Variants in ASIC2 observed in about 807,000 individuals in gnomAD.
The protein encoded by ASIC2 is acid sensing ion channel subunit 2.
Under a neutral mutation model 57.3 loss-of-function variants are expected in ASIC2, and 25 were observed. The ratio of observed to expected loss-of-function variants is 0.44; its 90% confidence interval spans 0.32 to 0.61. The LOEUF is 0.61. ASIC2 is among the 20% of genes least tolerant of loss of function. The pLI, the probability that ASIC2 is intolerant of heterozygous loss-of-function variation, is 0.06. For missense variants in ASIC2, 641 were observed against 738.1 expected, an observed-to-expected ratio of 0.87 and a Z score of 1.52; for synonymous variants, 319 against 307.5, an observed-to-expected ratio of 1.04 and a Z score of -0.39.
At position 33,242,789 on chromosome 17, in the gene ASIC2, T is replaced by G. The variant is rs77336788; in HGVS notation, c.708+48619A>C. ...TACACTTCACCTATTTCTGTTTCCA[T>G]CAATGGTGGTTAAGGTTCTTTCCAG... On this transcript the variant is annotated intron_variant, in intron 1 of 9. Coordinates refer to ENST00000225823, the MANE Select transcript of ASIC2 (RefSeq NM_183377.2). 0.01 allele frequency among the ~76,000 whole-genome samples: 1,597 copies of G among 152,282 alleles called. 56 individuals are homozygous for G. The East Asian group carries it at 0.12, about 12-fold the overall frequency.
intron 1 of ASIC2, among the ~76,000 whole-genome samples, chr17:33,586,725 C>A (rs8082150): frequency 0.62 from 94,057 of 152,078 alleles, 30,665 homozygotes; most frequent in African/African-American, 0.84. Flanking sequence ...CATCTTAGAC[C>A]TGCCTTCTCT....
At chr17:33,082,701 A>AAAATAAATAAATAAAT (rs34712140) in intron 3 of ASIC2, among the ~76,000 whole-genome samples, 9 of 139,526 alleles carry the variant, frequency 6.5e-5, no homozygotes, top group African/African-American at 8.0e-5. Context: ...TCTGTCTCCA[A>AAAATAAATAAATAAAT]AAATAAATAA....
intron 1 of ASIC2, among the ~76,000 whole-genome samples, chr17:33,513,757 C>T (rs1016155148): frequency 3.5e-4 from 54 of 152,226 alleles, no homozygotes; most frequent in Admixed American, 9.2e-4. Context: ...CCTGCTCTGT[C>T]CCCTACACTT....
chr17:33,088,106 T>C (rs2092142178), intron 3 of ASIC2, among the ~76,000 whole-genome samples: 2 of 152,216 alleles, frequency 1.3e-5, no homozygotes, highest in Non-Finnish European at 1.5e-5. Context: ...AAACTTGTCT[T>C]AGATGATCTG....
chr17:33,620,881 G>A (rs1905770622), intron 1 of ASIC2, among the ~76,000 whole-genome samples: 1 of 151,154 alleles, frequency 6.6e-6, no homozygotes, highest in Non-Finnish European at 1.5e-5. Flanking sequence ...TGCACCCCCA[G>A]CCCCCACAGC....
chr17:33,952,769 C>T (rs1013206221), intron 1 of ASIC2, among the ~76,000 whole-genome samples: 9 of 152,016 alleles, frequency 5.9e-5, no homozygotes, highest in Admixed American at 5.2e-4. Context: ...AAAAAACATC[C>T]TAATTATGTA....
intron 1 of ASIC2, among the ~76,000 whole-genome samples, chr17:33,187,603 C>T (rs1172554029): frequency 6.6e-6 from 1 of 152,132 alleles, no homozygotes; most frequent in Non-Finnish European, 1.5e-5. Context: ...GGGCCACATG[C>T]TTCTGTCTCA....
intron 2 of ASIC2, among the ~76,000 whole-genome samples, chr17:33,102,947 C>A (rs1334375373): frequency 6.6e-6 from 1 of 152,080 alleles, no homozygotes; most frequent in Non-Finnish European, 1.5e-5. Context: ...CCACGCCCGG[C>A]TAATTTTTTG....
At chr17:33,657,181 A>C (rs1907101573) in intron 1 of ASIC2, among the ~76,000 whole-genome samples, 1 of 152,156 alleles carries the variant, frequency 6.6e-6, no homozygotes, top group African/African-American at 2.4e-5. Context: ...CTTGCTGGGA[A>C]TCCCTACTGG....
At chr17:33,433,268 A>C (rs770808972) in intron 1 of ASIC2, among the ~76,000 whole-genome samples, 6 of 152,236 alleles carry the variant, frequency 3.9e-5, no homozygotes, top group Non-Finnish European at 8.8e-5. Flanking sequence ...ATGGAGCTGG[A>C]GGCCATCATC....
intron 1 of ASIC2, among the ~76,000 whole-genome samples, chr17:33,736,790 T>C (rs372593617): frequency 9.2e-4 from 139 of 151,516 alleles, no homozygotes; most frequent in African/African-American, 3.1e-3. Flanking sequence ...CATGTACAAC[T>C]GTGCCCCAGT....
At chr17:33,204,139 C>G (rs938174693) in intron 1 of ASIC2, among the ~76,000 whole-genome samples, 6 of 152,234 alleles carry the variant, frequency 3.9e-5, no homozygotes, top group Admixed American at 1.3e-4. Context: ...TGCACTCAGT[C>G]ATGTTTTCCC....
intron 1 of ASIC2, among the ~76,000 whole-genome samples, chr17:33,160,279 G>A (rs1905127250): frequency 6.6e-6 from 1 of 152,028 alleles, no homozygotes; most frequent in African/African-American, 2.4e-5. Flanking sequence ...AATATTTTTA[G>A]GTTCCAGAGC....
intron 1 of ASIC2, among the ~76,000 whole-genome samples, chr17:33,719,430 G>T (rs985749518): frequency 6.6e-6 from 1 of 152,164 alleles, no homozygotes; most frequent in African/African-American, 2.4e-5. Context: ...TGCTGCTAGC[G>T]CACAGAGCTA....
intron 1 of ASIC2, among the ~76,000 whole-genome samples, chr17:33,565,547 C>G (rs890680885): frequency 3.3e-5 from 5 of 152,130 alleles, no homozygotes; most frequent in Non-Finnish European, 7.3e-5. Context: ...TTACCAGTGC[C>G]CATGCACGTC....
intron 1 of ASIC2, among the ~76,000 whole-genome samples, chr17:33,506,826 G>C (rs1223360183): frequency 2.0e-5 from 3 of 152,160 alleles, no homozygotes; most frequent in African/African-American, 7.2e-5. Context: ...CCTGTGCCTG[G>C]CAAGCGGCAG....
At position 33,120,529 on chromosome 17, in the gene ASIC2, A is replaced by G. The variant is rs116785638; in HGVS notation, c.709-8462T>C. ...AAGGCTGAAGGCACTGCAGTCGTTC[A>G]CCTGGAAAGGCATTCAAGATGCTGG... On this transcript the variant is annotated intron_variant, in intron 1 of 9. Coordinates refer to ENST00000225823, the MANE Select transcript of ASIC2 (RefSeq NM_183377.2). 3.8e-3 allele frequency among the ~76,000 whole-genome samples: 582 copies of G among 152,322 alleles called. 1 individual carries two copies. The highest frequency in any genetic ancestry group is 0.014 in the African/African-American group (562 of 41,564).
At chr17:33,988,941 C>T (rs909026833) in intron 1 of ASIC2, among the ~76,000 whole-genome samples, 1 of 152,030 alleles carries the variant, frequency 6.6e-6, no homozygotes, top group African/African-American at 2.4e-5. Flanking sequence ...AACTTTGCCC[C>T]AAATTGTTCC....
At chr17:33,614,917 AT>A (rs1406270245) in intron 1 of ASIC2, among the ~76,000 whole-genome samples, 43 of 152,180 alleles carry the variant, frequency 2.8e-4, no homozygotes, top group Non-Finnish European at 8.8e-5. Flanking sequence ...CAAGACCTCA[AT>A]TTTGTCATCC....
Sources: gnomAD v4.1 joint callset for allele counts (sites outside exome capture counted in the v4.1 genomes callset) on GRCh38, gnomAD v4.1.1 for gene constraint, MANE v1.5 for transcripts, NCBI Gene and HGNC (gene_info 2026-07-23, HGNC 2026-07-21) for gene names.